ADAM2: variants seen among roughly 807,000 people sequenced by gnomAD.
The protein encoded by ADAM2 is ADAM metallopeptidase domain 2, also known as disintegrin and metalloproteinase domain-containing protein 2.
In ADAM2, 101 loss-of-function variants were observed where a neutral mutation model predicts 99.3. That is an observed-to-expected ratio of 1.02 (90% confidence interval 0.87 to 1.20). The LOEUF (loss-of-function observed/expected upper bound fraction) is 1.20, where lower values mean the gene tolerates loss of function less well. Ranked by LOEUF, ADAM2 falls within the 50% of genes most tolerant of loss-of-function variation. ADAM2 has a pLI of 0.00. For synonymous variants in ADAM2, 323 were observed against 287.6 expected, an observed-to-expected ratio of 1.12 and a Z score of -1.25; for missense variants, 948 against 878.7, an observed-to-expected ratio of 1.08 and a Z score of -1.00.
At position 39,813,782 on chromosome 8, in the gene ADAM2, C is replaced by T. The variant is rs180924285; in HGVS notation, c.514-4316G>A. ...CCAGGGCCTGTTGTGGGGTTGCGGG[C>T]GGGGAGGGATAACATTAGGAGATAC... is the stretch of plus-strand genomic sequence containing the variant. On this transcript the variant is annotated intron_variant, in intron 6 of 20. Transcript: ENST00000265708. Among the ~76,000 whole-genome samples, 243 of 139,818 alleles carry T rather than the reference C, an allele frequency of 1.7e-3. 2 individuals carry two copies. Among genetic ancestry groups the T allele is most frequent in the African/African-American group, 6.0e-3 (228 of 38,224 alleles). 91.7% of individuals were successfully genotyped at this position (139,818 alleles called of 152,430 possible). A position where few individuals can be genotyped will look rare whatever the true frequency, so the allele number is the denominator to read the frequency against.
At chr8:39,809,122 A>G (rs1269396827) in intron 7 of ADAM2, among the ~76,000 whole-genome samples, 1 of 152,172 alleles carries the variant, frequency 6.6e-6, no homozygotes, top group African/African-American at 2.4e-5. Context: ...CATTATTTTT[A>G]AAATTCAGTA....
intron 10 of ADAM2, among the ~76,000 whole-genome samples, chr8:39,784,373 A>C (rs1803367523): frequency 6.6e-6 from 1 of 151,996 alleles, no homozygotes; most frequent in Non-Finnish European, 1.5e-5. Context: ...GCGTGCCTCT[A>C]ATTTAAAAAT....
chr8:39,800,142 C>A (rs1030588146), intron 7 of ADAM2, among the ~76,000 whole-genome samples: 2 of 152,024 alleles, frequency 1.3e-5, no homozygotes, highest in Admixed American at 1.3e-4. Context: ...AGTTTTGGTG[C>A]GTTTTTGCAG....
At chr8:39,773,090 A>C (rs1442160980) in intron 11 of ADAM2, among the ~76,000 whole-genome samples, 2 of 151,934 alleles carry the variant, frequency 1.3e-5, no homozygotes, top group Non-Finnish European at 2.9e-5. Context: ...ACATCTAGAA[A>C]GTATATTTTT....
At chr8:39,749,155 A>G (rs1823596362) in intron 18 of ADAM2, among the ~76,000 whole-genome samples, 157 bp downstream of exon 18, 2 of 152,032 alleles carry the variant, frequency 1.3e-5, no homozygotes, top group South Asian at 4.1e-4. Context: ...GTAATATATT[A>G]CTCTCTGGAA....
At position 39,767,047 on chromosome 8, in the gene ADAM2, A is replaced by G. The variant is rs1379419319; in HGVS notation, c.1312-4T>C. The G allele has an allele frequency of 2.5e-6, 4 of 1,612,610 alleles. No individual in the cohort carries two copies. Among genetic ancestry groups the G allele is most frequent in the African/African-American group, 2.7e-5 (2 of 74,916 alleles). On this transcript the variant is annotated splice_region_variant and splice_polypyrimidine_tract_variant and intron_variant, in intron 13 of 20. Coordinates refer to ENST00000265708, the MANE Select transcript of ADAM2 (RefSeq NM_001464.5). ...ACATTCTTTCTTTTGACATAAACTGATGGGATGAGGTAAATGATATTGAAT... is the reference window on the plus strand; with the variant it reads ...ACATTCTTTCTTTTGACATAAACTGGTGGGATGAGGTAAATGATATTGAAT...
intron 2 of ADAM2, 91 bp downstream of exon 2, chr8:39,837,045 G>T (rs1017651107): frequency 1.1e-6 from 1 of 941,290 alleles, no homozygotes; most frequent in Non-Finnish European, 1.6e-6. Context: ...AATTCAACAG[G>T]TGTGCATGAA....
chr8:39,745,893 T>G (rs1363379374), intron 19 of ADAM2, among the ~76,000 whole-genome samples: 2 of 152,122 alleles, frequency 1.3e-5, no homozygotes. Context: ...TAAACTTGAA[T>G]GGACAGCTAA....
chr8:39,802,942 A>G (rs539804840), intron 7 of ADAM2, among the ~76,000 whole-genome samples: 2 of 152,272 alleles, frequency 1.3e-5, no homozygotes, highest in South Asian at 2.1e-4. Context: ...ATTATGACCA[A>G]TTATTGGGTA....
At chr8:39,837,610 C>G (rs989175624) in intron 1 of ADAM2, among the ~76,000 whole-genome samples, 6 of 152,120 alleles carry the variant, frequency 3.9e-5, no homozygotes, top group Admixed American at 2.6e-4. Context: ...TGGTCTCGAT[C>G]TCCTGACCTC....
chr8:39,751,189 C>T (rs1033879910), intron 16 of ADAM2, among the ~76,000 whole-genome samples: 1 of 152,036 alleles, frequency 6.6e-6, no homozygotes, highest in Admixed American at 6.6e-5. Flanking sequence ...TTTTGGATGG[C>T]TGTGGTAGTA....
chr8:39,782,386 A>G (rs954637390), intron 10 of ADAM2, among the ~76,000 whole-genome samples: 5 of 152,162 alleles, frequency 3.3e-5, no homozygotes, highest in African/African-American at 1.2e-4. Context: ...TTTTGTTAAC[A>G]TATAGTTAAC....
Position 39,755,902 on chromosome 8 carries a change from C to T in ADAM2, c.1623G>A (p.Gln541=), listed in dbSNP as rs751516537. 2.7e-6 allele frequency: 4 copies of T among 1,483,058 alleles called. No homozygotes were observed. The highest frequency in any genetic ancestry group is 1.4e-5 in the African/African-American group (1 of 71,414). 91.9% of individuals were successfully genotyped at this position (1,483,058 alleles called of 1,614,324 possible). A position where few individuals can be genotyped will look rare whatever the true frequency, so the allele number is the denominator to read the frequency against. Residue 541 remains glutamine (Q), a synonymous_variant, in exon 16 of 21, where the codon CAG becomes CAA. Coordinates refer to ENST00000265708, the MANE Select transcript of ADAM2 (RefSeq NM_001464.5). ...CATATTTACATATTAATTTTCCGCA[C>T]TGCAGATTGCTATAATTTATCCACA... ...GYTQCEADNL[Q]CGKLICKYVG...
In ADAM2 at chr8:39,743,859, T is replaced by A. The variant is rs1823338769; in HGVS notation, c.*236A>T. 6.6e-6 allele frequency: 1 copy of A among 152,094 alleles called. No individual in the cohort carries two copies. Among genetic ancestry groups the A allele is most frequent in the African/African-American group, 2.4e-5 (1 of 41,420 alleles). 9.4% of individuals were successfully genotyped at this position (152,094 alleles called of 1,614,324 possible). A position where few individuals can be genotyped will look rare whatever the true frequency, so the allele number is the denominator to read the frequency against. On this transcript the variant is annotated 3_prime_UTR_variant, in exon 21 of 21. Transcript: ENST00000265708. ...CAACAGAAATAGCGTAAGATAACTT[T>A]AAAAAAACAGAAATTTGTAATGTAA...
intron 18 of ADAM2, 77 bp from the exon 19 acceptor site, chr8:39,746,708 C>A: frequency 1.8e-6 from 2 of 1,118,788 alleles, no homozygotes; most frequent in Admixed American, 2.6e-5. Flanking sequence ...TTTACTACGT[C>A]TACCAAAATA....
intron 7 of ADAM2, among the ~76,000 whole-genome samples, chr8:39,797,647 C>T (rs913156602): frequency 4.6e-5 from 7 of 152,140 alleles, no homozygotes; most frequent in African/African-American, 1.4e-4. Flanking sequence ...GCAGTATGGC[C>T]ATTTTCATGA....
chr8:39,833,285 AAG>A (rs1490449653), intron 3 of ADAM2, among the ~76,000 whole-genome samples: 4 of 152,236 alleles, frequency 2.6e-5, no homozygotes, highest in African/African-American at 9.6e-5. Flanking sequence ...GATGTATAAA[AAG>A]AGTGCAGCTA....
At chr8:39,829,883 T>C (rs528003762) in intron 3 of ADAM2, among the ~76,000 whole-genome samples, 14 of 152,054 alleles carry the variant, frequency 9.2e-5, no homozygotes, top group African/African-American at 3.4e-4. Flanking sequence ...AAAATCATCA[T>C]AATTCATTTA....
chr8:39,758,849 A>C (rs1025788075), intron 15 of ADAM2, among the ~76,000 whole-genome samples: 12 of 152,064 alleles, frequency 7.9e-5, no homozygotes, highest in Non-Finnish European at 8.8e-5. Flanking sequence ...AAAGTATCAA[A>C]ATAATGATAG....
Sources: allele counts gnomAD v4.1 joint callset (sites outside exome capture counted in the v4.1 genomes callset), GRCh38; gene constraint gnomAD v4.1.1; transcripts MANE v1.5; gene names NCBI Gene and HGNC (gene_info 2026-07-23, HGNC 2026-07-21).